The following HDAC9 variants were observed in gnomAD, a reference collection of about 807,000 sequenced individuals.
HDAC9 encodes histone deacetylase 9.
A neutral mutation model predicts 139.4 loss-of-function variants in HDAC9; 41 were observed. The ratio of observed to expected loss-of-function variants is 0.29; its 90% confidence interval spans 0.23 to 0.38. HDAC9 has a LOEUF of 0.38. Ranked by LOEUF, HDAC9 falls within the 10% of genes least tolerant of loss-of-function variation. The pLI is 1.00. For synonymous variants in HDAC9, 517 were observed against 476.2 expected (o/e 1.09, Z -1.12); for missense variants, 1,147 against 1,297.0 (o/e 0.88, Z 1.78).
In HDAC9 at chr7:18,585,533, C is replaced by T. The variant is rs561275370; in HGVS notation, c.264+11C>T. On this transcript the variant is annotated intron_variant, in intron 3 of 25. Transcript: ENST00000686413. ...CAGGAGCATATCAAGGTAGCAAATG[C>T]TTCTTTGTCTGTGACCTTACTCAGG... The T allele has an allele frequency of 6.1e-5, 98 of 1,612,126 alleles. No individual in the cohort carries two copies. Among genetic ancestry groups the T allele is most frequent in the Non-Finnish European group, 8.0e-5 (94 of 1,179,586 alleles).
At chr7:18,578,785 C>G (rs1370401144) in intron 2 of HDAC9, among the ~76,000 whole-genome samples, 2 of 152,314 alleles carry the variant, frequency 1.3e-5, no homozygotes, top group East Asian at 1.9e-4. Context: ...CAATGTGCTA[C>G]TCTTGGATCT....
intron 23 of HDAC9, among the ~76,000 whole-genome samples, chr7:18,944,424 C>T (rs367930400): frequency 6.6e-6 from 1 of 152,140 alleles, no homozygotes; most frequent in East Asian, 1.9e-4. Flanking sequence ...TATATAATCT[C>T]ACTTTGTTTC....
chr7:18,745,177 G>T (rs181444863), intron 13 of HDAC9, among the ~76,000 whole-genome samples: 1 of 152,106 alleles, frequency 6.6e-6, no homozygotes, highest in African/African-American at 2.4e-5. Flanking sequence ...GAAAGAGAGA[G>T]GGAAGGAATG....
rs1786546863 is a variant in HDAC9 at position 18,997,733 on chromosome 7, A to G, written c.*1671A>G. ...AATCAAAGATGAAAGATTTCACTCA[A>G]GTAGAATTATATAACTCCCTTTGTT... On this transcript the variant is annotated 3_prime_UTR_variant, in exon 26 of 26. Coordinates refer to ENST00000686413, the MANE Select transcript of HDAC9 (RefSeq NM_178425.4). The G allele has an allele frequency of 6.6e-6, 1 of 152,144 alleles. No homozygotes were observed. The highest frequency in any genetic ancestry group is 6.5e-5 in the Admixed American group (1 of 15,270). 9.4% of individuals were successfully genotyped at this position (152,144 alleles called of 1,614,324 possible). A position where few individuals can be genotyped will look rare whatever the true frequency, so the allele number is the denominator to read the frequency against.
chr7:18,784,956 TG>T (rs1791575407), intron 16 of HDAC9, among the ~76,000 whole-genome samples: 3 of 151,724 alleles, frequency 2.0e-5, no homozygotes, highest in South Asian at 4.2e-4. Flanking sequence ...TGTGTGTGTG[TG>T]TGTGTGTGTG....
At chr7:18,284,559 G>A (rs1056344369) in intron 2 of HDAC9, among the ~76,000 whole-genome samples, 4 of 152,098 alleles carry the variant, frequency 2.6e-5, no homozygotes, top group African/African-American at 7.2e-5. Context: ...TTTGTATATC[G>A]TGTTAGTCTT....
chr7:18,817,087 T>A (rs1156231527), intron 17 of HDAC9, among the ~76,000 whole-genome samples: 1 of 150,120 alleles, frequency 6.7e-6, no homozygotes, highest in African/African-American at 2.5e-5. Context: ...CAGGCTGGAG[T>A]ACAGTGGTGC....
At chr7:18,186,463 G>A (rs1037998930) in intron 2 of HDAC9, among the ~76,000 whole-genome samples, 2 of 152,222 alleles carry the variant, frequency 1.3e-5, no homozygotes, top group East Asian at 3.9e-4. Flanking sequence ...TTTTAAGGAA[G>A]GAGCATGACA....
chr7:18,779,518 T>C (rs1196792891), intron 16 of HDAC9, among the ~76,000 whole-genome samples: 2 of 151,974 alleles, frequency 1.3e-5, no homozygotes, highest in Non-Finnish European at 2.9e-5. Context: ...CACCTAAGCG[T>C]CCACAAAACT....
intron 1 of HDAC9, among the ~76,000 whole-genome samples, chr7:18,381,213 A>G (rs1349072018): frequency 6.7e-6 from 1 of 150,220 alleles, no homozygotes; most frequent in East Asian, 1.9e-4. Flanking sequence ...AAAAAAAAAA[A>G]AAAAAAAGGA....
chr7:18,843,050 A>G (rs905125655), intron 21 of HDAC9, among the ~76,000 whole-genome samples: 3 of 152,190 alleles, frequency 2.0e-5, no homozygotes, highest in Admixed American at 2.0e-4. Context: ...TTTTAAGACA[A>G]TATTTTTTCT....
intron 2 of HDAC9, among the ~76,000 whole-genome samples, chr7:18,212,004 G>A (rs1330174822): frequency 3.9e-5 from 6 of 152,140 alleles, no homozygotes; most frequent in Non-Finnish European, 7.4e-5. Context: ...AAATTGATTT[G>A]TTCACGTTGC....
intron 2 of HDAC9, among the ~76,000 whole-genome samples, chr7:18,186,991 C>T (rs745425532): frequency 1.3e-5 from 2 of 152,102 alleles, no homozygotes; most frequent in African/African-American, 2.4e-5. Flanking sequence ...TGTTCAAAAC[C>T]CCTAGGCATT....
chr7:18,783,213 G>C (rs7779555), intron 16 of HDAC9, among the ~76,000 whole-genome samples: 2 of 151,928 alleles, frequency 1.3e-5, no homozygotes, highest in Admixed American at 1.3e-4. Context: ...AATTCCTAAA[G>C]CATTTCTAAT....
At chr7:18,612,653 T>C (rs1023528345) in intron 6 of HDAC9, among the ~76,000 whole-genome samples, 2 of 47,474 alleles carry the variant, frequency 4.2e-5, no homozygotes, top group Non-Finnish European at 9.2e-5. Flanking sequence ...TAGGTAAGCA[T>C]TGGAAACATT....
At chr7:18,705,413 C>T (rs529929146) in intron 12 of HDAC9, among the ~76,000 whole-genome samples, 2 of 152,260 alleles carry the variant, frequency 1.3e-5, no homozygotes, top group Admixed American at 1.3e-4. Context: ...CCTCCACTCC[C>T]CACCCGAGCC....
At position 18,210,070 on chromosome 7, in the gene HDAC9, A is replaced by C. The variant is rs370914099; in HGVS notation, c.25+47721A>C. 2.3e-4 allele frequency among the ~76,000 whole-genome samples: 35 copies of C among 152,248 alleles called. No homozygotes were observed. The South Asian group carries it at 5.0e-3, about 22-fold the overall frequency. On this transcript the variant is annotated intron_variant, in intron 2 of 12. Transcript: ENST00000417496. ...TTTTTGACTGCTAAGGATAACTACA[A>C]ATGATACATTCTGTAAACCTTTTGT...
intron 12 of HDAC9, among the ~76,000 whole-genome samples, chr7:18,722,451 AAGAG>A: frequency 1.3e-5 from 2 of 152,286 alleles, no homozygotes; most frequent in Middle Eastern, 6.8e-3. Flanking sequence ...TCAGCACTGT[AAGAG>A]AGAAGCATGC....
intron 24 of HDAC9, among the ~76,000 whole-genome samples, chr7:18,973,152 T>C (rs945678841): frequency 6.6e-6 from 1 of 152,110 alleles, no homozygotes; most frequent in African/African-American, 2.4e-5. Context: ...GTCACCAGGG[T>C]TAAATAAAAT....
Sources: allele counts gnomAD v4.1 joint callset (sites outside exome capture counted in the v4.1 genomes callset), GRCh38; gene constraint gnomAD v4.1.1; transcripts MANE v1.5; gene names NCBI Gene and HGNC (gene_info 2026-07-23, HGNC 2026-07-21).